Variants in ADK observed in about 807,000 individuals in gnomAD.
The protein encoded by ADK is N6,N6-dimethyladenosine kinase.
In ADK, 24 loss-of-function variants were observed where a neutral mutation model predicts 44.7. The observed-to-expected ratio is 0.54, with a 90% CI of 0.39 to 0.76. The LOEUF is 0.76. ADK is among the 30% of genes least tolerant of loss of function. The probability of loss-of-function intolerance (pLI) is 0.00; values close to 1 mark genes in which losing one functional copy is unlikely to be tolerated. For synonymous variants in ADK, 128 were observed against 142.6 expected, an observed-to-expected ratio of 0.90 and a Z score of 0.73; for missense variants, 321 against 425.1, an observed-to-expected ratio of 0.76 and a Z score of 2.15.
intron 6 of ADK, among the ~76,000 whole-genome samples, chr10:74,403,639 C>T (rs527971769): frequency 7.2e-4 from 110 of 152,100 alleles, no homozygotes; most frequent in South Asian, 1.5e-3. Flanking sequence ...TTCCAGGTAC[C>T]GTCTGTCATG....
chr10:74,578,417 G>A (rs1350034258), intron 7 of ADK, among the ~76,000 whole-genome samples: 1 of 152,108 alleles, frequency 6.6e-6, no homozygotes, highest in Non-Finnish European at 1.5e-5. Flanking sequence ...AAGGCTAACA[G>A]CCACCATGTC....
rs371905119 is a variant in ADK, at chr10:74,416,520, C to G, written c.555+17941C>G. Among the ~76,000 whole-genome samples the G allele has an allele frequency of 2.1e-4, 32 of 150,642 alleles. 2 individuals are homozygous for G. The highest frequency in any genetic ancestry group is 7.3e-4 in the African/African-American group (30 of 41,274). ...TTTAAAAATTTATTTATCTTGTTCT[C>G]TATACGGATTTCTGGCACAAGGTTG... On this transcript the variant is annotated intron_variant, in intron 6 of 10. Transcript: ENST00000539909.
intron 4 of ADK, among the ~76,000 whole-genome samples, chr10:74,325,051 A>C (rs544813802): frequency 6.6e-6 from 1 of 152,038 alleles, no homozygotes; most frequent in South Asian, 2.1e-4. Context: ...GTCATTTGAG[A>C]GGGTTTACTT....
At chr10:74,167,286 C>T (rs1029233171) in intron 1 of ADK, among the ~76,000 whole-genome samples, 3 of 152,168 alleles carry the variant, frequency 2.0e-5, no homozygotes, top group Non-Finnish European at 4.4e-5. Flanking sequence ...GGATTACAGG[C>T]GTGAGCCACT....
At chr10:74,473,840 T>A (rs1846705716) in intron 6 of ADK, among the ~76,000 whole-genome samples, 1 of 151,746 alleles carries the variant, frequency 6.6e-6, no homozygotes, top group Admixed American at 6.6e-5. Context: ...GGTGGGGGGG[T>A]AAATACAAAA....
intron 4 of ADK, among the ~76,000 whole-genome samples, chr10:74,358,439 C>T (rs1368760119): frequency 1.3e-5 from 2 of 152,054 alleles, no homozygotes; most frequent in African/African-American, 4.8e-5. Context: ...ATTTTATTCT[C>T]AAAGGTACCT....
chr10:74,396,484 G>C (rs1399312740), intron 5 of ADK, among the ~76,000 whole-genome samples: 1 of 152,042 alleles, frequency 6.6e-6, no homozygotes, highest in Non-Finnish European at 1.5e-5. Context: ...CAGTGGACTG[G>C]GGTCGTGCTG....
chr10:74,702,406 A>G (rs535866657), intron 10 of ADK, among the ~76,000 whole-genome samples: 2 of 151,044 alleles, frequency 1.3e-5, no homozygotes, highest in East Asian at 3.9e-4. Flanking sequence ...CTGGTCTTGA[A>G]CTCCTGACCT....
chr10:74,642,416 G>A (rs1341717886), intron 9 of ADK, among the ~76,000 whole-genome samples: 1 of 147,670 alleles, frequency 6.8e-6, no homozygotes, highest in Non-Finnish European at 1.5e-5. Context: ...TGTTGCCCAG[G>A]CTGGTTTCAA....
At chr10:74,342,816 T>TGTGTGTGTGTGTGTGTGTGTG (rs56148690) in intron 4 of ADK, among the ~76,000 whole-genome samples, 12 of 151,630 alleles carry the variant, frequency 7.9e-5, no homozygotes, top group Admixed American at 2.6e-4. Flanking sequence ...TGTGTGTGTG[T>TGTGTGTGTGTGTGTGTGTGTG]TTTAATATTG....
intron 3 of ADK, among the ~76,000 whole-genome samples, chr10:74,244,228 A>G (rs922384969): frequency 3.3e-5 from 5 of 152,258 alleles, no homozygotes; most frequent in African/African-American, 1.2e-4. Context: ...AGAAGTATTC[A>G]TAAGGTAAAT....
At chr10:74,591,911 C>T (rs1001336374) in intron 8 of ADK, among the ~76,000 whole-genome samples, 18 of 152,096 alleles carry the variant, frequency 1.2e-4, no homozygotes, top group Non-Finnish European at 2.6e-4. Context: ...GATCTGGCTG[C>T]TGACAGACCA....
intron 6 of ADK, among the ~76,000 whole-genome samples, chr10:74,477,586 T>C (rs1385289955): frequency 1.3e-5 from 2 of 152,160 alleles, no homozygotes; most frequent in Non-Finnish European, 2.9e-5. Flanking sequence ...TTCTTTCCCT[T>C]AGTGTTTTTA....
intron 1 of ADK, among the ~76,000 whole-genome samples, chr10:74,153,797 T>C (rs1474298069): frequency 6.6e-6 from 1 of 152,252 alleles, no homozygotes; most frequent in Non-Finnish European, 1.5e-5. Context: ...TTCTCTCCTT[T>C]GGAAATCTCA....
intron 6 of ADK, among the ~76,000 whole-genome samples, chr10:74,485,939 TTA>T (rs1446859164): frequency 1.3e-5 from 2 of 152,288 alleles, no homozygotes; most frequent in South Asian, 2.1e-4. Flanking sequence ...AAACTCATTT[TTA>T]TATGTTTTTG....
chr10:74,217,963 A>G (rs964567990), intron 2 of ADK, among the ~76,000 whole-genome samples: 5 of 152,126 alleles, frequency 3.3e-5, no homozygotes, highest in African/African-American at 9.7e-5. Context: ...AAAGCAGAGC[A>G]CCTCTCCTCC....
intron 1 of ADK, among the ~76,000 whole-genome samples, chr10:74,199,009 T>C (rs1843265440): frequency 6.6e-6 from 1 of 152,196 alleles, no homozygotes; most frequent in South Asian, 2.1e-4. Flanking sequence ...TGAAAAGATG[T>C]GCATTTAAAT....
chr10:74,569,026 G>C (rs946133799), intron 7 of ADK, among the ~76,000 whole-genome samples: 1 of 148,496 alleles, frequency 6.7e-6, no homozygotes, highest in Admixed American at 6.9e-5. Context: ...AACATGCATT[G>C]TTTGGCTTTT....
At chr10:74,690,622 A>G (rs540246878) in intron 10 of ADK, among the ~76,000 whole-genome samples, 7 of 152,336 alleles carry the variant, frequency 4.6e-5, no homozygotes, top group African/African-American at 1.7e-4. Context: ...TGTCAACAGC[A>G]TGGCTTTTTT....
Sources: gnomAD v4.1 joint callset for allele counts (sites outside exome capture counted in the v4.1 genomes callset) on GRCh38, gnomAD v4.1.1 for gene constraint, MANE v1.5 for transcripts, NCBI Gene and HGNC (gene_info 2026-07-23, HGNC 2026-07-21) for gene names.